The following CGNL1 variants were observed in gnomAD, a reference collection of about 807,000 sequenced individuals.
CGNL1 encodes cingulin-like protein 1.
A neutral mutation model predicts 141.2 loss-of-function variants in CGNL1; 132 were observed. The observed-to-expected ratio is 0.93, with a 90% CI of 0.81 to 1.08. The LOEUF (loss-of-function observed/expected upper bound fraction) is 1.08. Among genes scored for constraint, CGNL1 ranks in the 50% least tolerant of loss-of-function variants. CGNL1 has a pLI of 0.00. For missense variants in CGNL1, 1,870 were observed against 1,588.6 expected (o/e 1.18, Z -3.01); for synonymous variants, 690 against 622.1 (o/e 1.11, Z -1.63).
At chr15:57,440,882 G>A (rs1352834890) in intron 3 of CGNL1, among the ~76,000 whole-genome samples, 2 of 151,908 alleles carry the variant, frequency 1.3e-5, no homozygotes, top group African/African-American at 4.8e-5. Flanking sequence ...TTGGCCAAGA[G>A]CCCCTGCTTC....
chr15:57,497,253 CTTTG>C (rs1475866236), intron 8 of CGNL1, among the ~76,000 whole-genome samples: 1 of 152,030 alleles, frequency 6.6e-6, no homozygotes, highest in African/African-American at 2.4e-5. Context: ...AAGAGGGCCT[CTTTG>C]TTTGCTCCTG....
At chr15:57,461,016 GAGA>G (rs1187488243) in intron 7 of CGNL1, among the ~76,000 whole-genome samples, 2 of 152,134 alleles carry the variant, frequency 1.3e-5, no homozygotes, top group Non-Finnish European at 2.9e-5. Context: ...CTGGAAAACT[GAGA>G]AGGTCTGGGA....
intron 1 of CGNL1, 117 bp downstream of exon 1, chr15:57,376,684 T>C (rs1315192101): frequency 8.0e-5 from 12 of 150,650 alleles, no homozygotes; most frequent in Admixed American, 5.9e-4. Context: ...CCAGGTGCAC[T>C]GTGCTCAGTC....
chr15:57,417,006 G>A (rs1415669404), intron 1 of CGNL1, among the ~76,000 whole-genome samples: 2 of 152,088 alleles, frequency 1.3e-5, no homozygotes, highest in African/African-American at 4.8e-5. Flanking sequence ...GCTCTATCTG[G>A]GTGACCCTGG....
intron 1 of CGNL1, chr15:57,405,888 C>G (rs1379036256): frequency 6.9e-6 from 1 of 145,516 alleles, no homozygotes; most frequent in East Asian, 2.0e-4. Context: ...CTGTCTGTCT[C>G]TCTCTGTTTC....
intron 8 of CGNL1, among the ~76,000 whole-genome samples, chr15:57,472,276 G>A (rs1195706057): frequency 6.6e-6 from 1 of 152,022 alleles, no homozygotes; most frequent in Admixed American, 6.5e-5. Flanking sequence ...AAAGGAGTGT[G>A]GTTTGTTCAA....
intron 4 of CGNL1, among the ~76,000 whole-genome samples, chr15:57,446,253 A>C (rs2063249948): frequency 6.6e-6 from 1 of 152,192 alleles, no homozygotes; most frequent in Non-Finnish European, 1.5e-5. Flanking sequence ...AATTCCATCT[A>C]TACAGTTCAT....
In CGNL1 at chr15:57,546,062, C is replaced by A; in HGVS notation, c.3610-14C>A. 6.2e-7 allele frequency: 1 copy of A among 1,608,660 alleles called. No individual in the cohort carries two copies. Among genetic ancestry groups the A allele is most frequent in the South Asian group, 1.1e-5 (1 of 90,020 alleles). On this transcript the variant is annotated splice_polypyrimidine_tract_variant and intron_variant, in intron 17 of 18. Coordinates refer to ENST00000281282, the MANE Select transcript of CGNL1 (RefSeq NM_032866.5). ...CATCAGCCGGCACTCAGCCCACATTCTCTCCCGGTGCAGCTGAGCTTGCGT... is the reference window on the plus strand; with the variant it reads ...CATCAGCCGGCACTCAGCCCACATTATCTCCCGGTGCAGCTGAGCTTGCGT...
chr15:57,379,249 C>G (rs779587138), intron 1 of CGNL1, among the ~76,000 whole-genome samples: 2 of 152,132 alleles, frequency 1.3e-5, no homozygotes, highest in Non-Finnish European at 1.5e-5. Flanking sequence ...CTCTACCCCC[C>G]CAAAAAGAAA....
intron 1 of CGNL1, among the ~76,000 whole-genome samples, chr15:57,401,649 A>G (rs2062661766): frequency 6.6e-6 from 1 of 152,144 alleles, no homozygotes; most frequent in African/African-American, 2.4e-5. Context: ...TTTAATACCT[A>G]TCCTTTTTTC....
intron 7 of CGNL1, 63 bp from the exon 8 acceptor site, chr15:57,461,617 A>G (rs1412642325): frequency 1.4e-6 from 2 of 1,400,364 alleles, no homozygotes; most frequent in African/African-American, 1.4e-5. Context: ...TGGAGGGGAG[A>G]TACAGGGCCT....
intron 1 of CGNL1, among the ~76,000 whole-genome samples, chr15:57,429,895 G>C (rs541045015): frequency 1.3e-5 from 2 of 152,114 alleles, no homozygotes; most frequent in South Asian, 2.1e-4. Context: ...CTGCAGCCTT[G>C]ACCTCTCTGG....
chr15:57,426,212 T>A (rs2062971991), intron 1 of CGNL1, among the ~76,000 whole-genome samples: 1 of 152,128 alleles, frequency 6.6e-6, no homozygotes, highest in African/African-American at 2.4e-5. Context: ...GGGCATGATC[T>A]CGGCTCACTG....
At chr15:57,514,630 C>T (rs969134116) in intron 8 of CGNL1, among the ~76,000 whole-genome samples, 4 of 152,034 alleles carry the variant, frequency 2.6e-5, no homozygotes, top group Non-Finnish European at 4.4e-5. Flanking sequence ...TTTATCTGTT[C>T]GTTCTTTTGT....
chr15:57,459,014 T>G (rs562109273), intron 7 of CGNL1, among the ~76,000 whole-genome samples: 5 of 152,180 alleles, frequency 3.3e-5, no homozygotes, highest in Non-Finnish European at 7.3e-5. Context: ...ATGAAAGAGA[T>G]CTCGTTGTCG....
At chr15:57,535,679 G>C (rs1388784497) in intron 14 of CGNL1, among the ~76,000 whole-genome samples, 1 of 152,248 alleles carries the variant, frequency 6.6e-6, no homozygotes, top group East Asian at 1.9e-4. Flanking sequence ...GGCAGACTGA[G>C]GGTGTTGAAT....
Position 57,523,647 on chromosome 15 carries a change from GGGCT to G in CGNL1, c.2868+9_2868+12del. ...TTGAGAAACTGCAGAAGGAGGTGAGGGGCTGGAGGAGGAAAGAGGAAGTAGGGCC... is the reference window on the plus strand; with the variant it reads ...TTGAGAAACTGCAGAAGGAGGTGAGGGGAGGAGGAAAGAGGAAGTAGGGCC... On this transcript the variant is annotated splice_region_variant and intron_variant, in intron 11 of 18. Transcript: ENST00000281282. The G allele has an allele frequency of 3.8e-6, 6 of 1,583,134 alleles. No individual in the cohort carries two copies. Among genetic ancestry groups the G allele is most frequent in the Non-Finnish European group, 5.2e-6 (6 of 1,152,556 alleles).
At chr15:57,446,232 T>C (rs1024792090) in intron 4 of CGNL1, among the ~76,000 whole-genome samples, 1 of 152,186 alleles carries the variant, frequency 6.6e-6, no homozygotes, top group Non-Finnish European at 1.5e-5. Flanking sequence ...TTATATAAAG[T>C]AAATTACACA....
intron 8 of CGNL1, among the ~76,000 whole-genome samples, chr15:57,500,937 A>T (rs1224918622): frequency 6.6e-6 from 1 of 152,218 alleles, no homozygotes; most frequent in Non-Finnish European, 1.5e-5. Flanking sequence ...AGGCCAGCTA[A>T]CAATAGTTGA....
Sources: allele counts gnomAD v4.1 joint callset (sites outside exome capture counted in the v4.1 genomes callset), GRCh38; gene constraint gnomAD v4.1.1; transcripts MANE v1.5; gene names NCBI Gene and HGNC (gene_info 2026-07-23, HGNC 2026-07-21).